The following BTG4 variants were observed in gnomAD, a reference collection of about 807,000 sequenced individuals.
BTG4 encodes BTG anti-proliferation factor 4.
BTG4 carries 10 observed loss-of-function variants against 19.3 expected under a neutral mutation model. The ratio of observed to expected loss-of-function variants is 0.52; its 90% confidence interval spans 0.32 to 0.88. The LOEUF (loss-of-function observed/expected upper bound fraction) is 0.88. BTG4 is among the 40% of genes least tolerant of loss of function. BTG4 has a pLI of 0.04. For synonymous variants in BTG4, 91 were observed against 95.7 expected (o/e 0.95, Z 0.29); for missense variants, 238 against 281.9 (o/e 0.84, Z 1.11).
At chr11:111,436,863 C>T in the BTG4 span, among the ~76,000 whole-genome samples, 1 of 152,128 alleles carries the variant, frequency 6.6e-6, no homozygotes, top group Non-Finnish European at 1.5e-5. Context: ...TCCGTTGGCT[C>T]GCGTGTGGGT....
the BTG4 span, among the ~76,000 whole-genome samples, chr11:111,428,304 C>T: frequency 6.9e-6 from 1 of 144,572 alleles, no homozygotes; most frequent in Non-Finnish European, 1.5e-5. Context: ...AGACCCTACA[C>T]CCTTCTCTAT....
chr11:111,465,652 G>A (rs544424764), downstream of BTG4, among the ~76,000 whole-genome samples: 46 of 152,228 alleles, frequency 3.0e-4, no homozygotes, highest in African/African-American at 6.7e-4. Context: ...TGCTCCTCAC[G>A]TGCTTCCTCA....
At chr11:111,511,562 A>G (rs1025232659) in intron 1 of BTG4, among the ~76,000 whole-genome samples, 12 of 152,230 alleles carry the variant, frequency 7.9e-5, no homozygotes, top group African/African-American at 2.2e-4. Context: ...CATGAAGACC[A>G]TATTTCTAGG....
intron 5 of BTG4, among the ~76,000 whole-genome samples, chr11:111,475,596 A>G (rs1187339327): frequency 4.6e-5 from 7 of 152,130 alleles, no homozygotes; most frequent in Non-Finnish European, 1.0e-4. Flanking sequence ...GAAGTTTTGG[A>G]GTGCTGATCA....
At chr11:111,394,879 C>A in the BTG4 span, among the ~76,000 whole-genome samples, 1 of 152,192 alleles carries the variant, frequency 6.6e-6, no homozygotes, top group Non-Finnish European at 1.5e-5. Flanking sequence ...AGTGGAAAAG[C>A]CTGAGATGCT....
chr11:111,425,649 T>C, the BTG4 span, among the ~76,000 whole-genome samples: 1 of 151,986 alleles, frequency 6.6e-6, no homozygotes, highest in East Asian at 1.9e-4. Flanking sequence ...GAGCAGTAGG[T>C]AGGAAGAAAA....
chr11:111,440,802 G>C, the BTG4 span, among the ~76,000 whole-genome samples: 1 of 152,260 alleles, frequency 6.6e-6, no homozygotes, highest in African/African-American at 2.4e-5. Flanking sequence ...CCAGCAACAA[G>C]CACCTGCTGT....
At chr11:111,471,986 C>T (rs1416703213) in intron 5 of BTG4, among the ~76,000 whole-genome samples, 1 of 152,194 alleles carries the variant, frequency 6.6e-6, no homozygotes, top group Non-Finnish European at 1.5e-5. Context: ...TAGAATCCAA[C>T]CACTGCTCAT....
At chr11:111,431,230 C>G in the BTG4 span, among the ~76,000 whole-genome samples, 5 of 152,130 alleles carry the variant, frequency 3.3e-5, no homozygotes, top group Non-Finnish European at 5.9e-5. Context: ...TGTGGCTGGT[C>G]TAGAACCCCA....
At chr11:111,447,075 C>CG in the BTG4 span, among the ~76,000 whole-genome samples, 1 of 152,320 alleles carries the variant, frequency 6.6e-6, no homozygotes, top group Non-Finnish European at 1.5e-5. Flanking sequence ...CCCTGTGCCC[C>CG]GGGAACTTTC....
chr11:111,475,756 T>C (rs1045812126), intron 5 of BTG4, among the ~76,000 whole-genome samples: 2 of 152,190 alleles, frequency 1.3e-5, no homozygotes, highest in Non-Finnish European at 2.9e-5. Context: ...ATTTATCTGT[T>C]CTCATGCTGC....
the BTG4 span, among the ~76,000 whole-genome samples, chr11:111,394,116 A>G: frequency 6.6e-5 from 10 of 152,362 alleles, no homozygotes; most frequent in African/African-American, 2.4e-4. Flanking sequence ...TGGCCATTGT[A>G]TTACTAAGCA....
At chr11:111,449,804 C>T in the BTG4 span, 1 of 152,312 alleles carries the variant, frequency 6.6e-6, no homozygotes, top group Non-Finnish European at 1.5e-5. Flanking sequence ...AATGTGCAGC[C>T]CTCTGTGCCC....
At chr11:111,409,556 C>A in the BTG4 span, among the ~76,000 whole-genome samples, 1 of 152,174 alleles carries the variant, frequency 6.6e-6, no homozygotes, top group Non-Finnish European at 1.5e-5. Context: ...AGCACTAAAG[C>A]CCTCACCAGA....
chr11:111,462,711 C>G (rs1484361702), downstream of BTG4: 1 of 152,318 alleles, frequency 6.6e-6, no homozygotes, highest in Non-Finnish European at 1.5e-5. Flanking sequence ...ACAGGTGGTG[C>G]TAGGTATGCA....
intron 4 of BTG4, among the ~76,000 whole-genome samples, chr11:111,496,137 T>C (rs770835356): frequency 8.5e-5 from 13 of 152,182 alleles, no homozygotes; most frequent in Non-Finnish European, 1.8e-4. Flanking sequence ...TGCTAAAACA[T>C]TTGGGCACAT....
chr11:111,386,908 G>A, the BTG4 span, among the ~76,000 whole-genome samples: 1 of 152,172 alleles, frequency 6.6e-6, no homozygotes, highest in Non-Finnish European at 1.5e-5. Flanking sequence ...TCTGGGTTAG[G>A]CAGCAGGATA....
chr11:111,507,652 TA>T, intron 1 of BTG4, among the ~76,000 whole-genome samples: 1 of 152,328 alleles, frequency 6.6e-6, no homozygotes, highest in East Asian at 1.9e-4. Flanking sequence ...GTATGAATTT[TA>T]AAATAGCTTG....
intron 5 of BTG4, among the ~76,000 whole-genome samples, chr11:111,480,940 G>T (rs1453851416): frequency 6.6e-6 from 1 of 150,786 alleles, no homozygotes; most frequent in Non-Finnish European, 1.5e-5. Context: ...GGAAGTAATA[G>T]CAAAAATAAA....
Sources: gnomAD v4.1 joint callset for allele counts (sites outside exome capture counted in the v4.1 genomes callset) on GRCh38, gnomAD v4.1.1 for gene constraint, MANE v1.5 for transcripts, NCBI Gene and HGNC (gene_info 2026-07-23, HGNC 2026-07-21) for gene names.